CDH26: variants seen among roughly 807,000 people sequenced by gnomAD.
The protein encoded by CDH26 is cadherin-like protein 26.
In CDH26, 83 loss-of-function variants were observed where a neutral mutation model predicts 90.3. The ratio of observed to expected loss-of-function variants is 0.92; its 90% CI spans 0.77 to 1.10. CDH26 has a LOEUF of 1.10. Among genes scored for constraint, CDH26 ranks in the 50% least tolerant of loss-of-function variants. CDH26 has a pLI of 0.00. For synonymous variants in CDH26, 397 were observed against 396.3 expected (o/e 1.00, Z -0.02); for missense variants, 1,013 against 1,037.6 (o/e 0.98, Z 0.33).
At chr20:59,988,386 G>A (rs1041185979) in intron 8 of CDH26, among the ~76,000 whole-genome samples, 1 of 152,160 alleles carries the variant, frequency 6.6e-6, no homozygotes, top group African/African-American at 2.4e-5. Flanking sequence ...CCCAAGATTC[G>A]CCTGCCCATT....
chr20:59,969,039 C>A lies in CDH26; in HGVS notation c.126+16C>A. ...GCAAACAAAGGTGAGGTTTGGAAGT[C>A]AGTTTCTTAATATATAAAATCAGTC... is the stretch of plus-strand genomic sequence containing the variant. On this transcript the variant is annotated intron_variant, in intron 2 of 17. Transcript: ENST00000348616. The A allele has an allele frequency of 1.3e-6, 2 of 1,558,000 alleles. No individual in the cohort carries two copies. Among genetic ancestry groups the A allele is most frequent in the South Asian group, 2.2e-5 (2 of 88,950 alleles).
chr20:60,017,893 T>C (rs115464744), downstream of CDH26, among the ~76,000 whole-genome samples: 1 of 152,208 alleles, frequency 6.6e-6, no homozygotes, highest in African/African-American at 2.4e-5. Context: ...TGTAGCTTAA[T>C]TTCCATGTAT....
chr20:59,978,189 A>G (rs1223330592), intron 4 of CDH26, among the ~76,000 whole-genome samples: 1 of 152,156 alleles, frequency 6.6e-6, no homozygotes, highest in East Asian at 1.9e-4. Flanking sequence ...TCATGAATAA[A>G]GCTATAAACA....
At position 60,013,175 on chromosome 20, in the gene CDH26, AT is replaced by A. The variant is rs1308611560; in HGVS notation, c.*451del. On this transcript the variant is annotated 3_prime_UTR_variant, in exon 18 of 18. Coordinates refer to ENST00000348616, the MANE Select transcript of CDH26 (RefSeq NM_177980.4). The stretch of plus-strand genomic sequence containing the variant: ...AGGGAAAACTTAGGTAAATAGAGAA[AT>A]TTTTTCTATAACATTTGTAGTCAGT... 1.9e-5 allele frequency: 3 copies of A among 154,084 alleles called. No individual in the cohort carries two copies. The highest frequency in any genetic ancestry group is 7.2e-5 in the African/African-American group (3 of 41,444). 9.5% of individuals were successfully genotyped at this position (154,084 alleles called of 1,614,324 possible).
intron 17 of CDH26, among the ~76,000 whole-genome samples, chr20:60,011,229 G>T (rs1407815535): frequency 6.6e-6 from 1 of 152,204 alleles, no homozygotes; most frequent in African/African-American, 2.4e-5. Context: ...AGGTTGAGCA[G>T]CTGGGCTGTA....
rs73309287 is a variant in CDH26 at position 59,964,992 on chromosome 20, C to T, written c.70-3975C>T. Among the ~76,000 whole-genome samples the T allele has an allele frequency of 1.4e-4, 22 of 152,290 alleles. No individual in the cohort carries two copies. The East Asian group carries it at 3.5e-3, about 24-fold the overall frequency. On this transcript the variant is annotated intron_variant, in intron 1 of 17. Coordinates refer to ENST00000348616, the MANE Select transcript of CDH26 (RefSeq NM_177980.4). The stretch of plus-strand genomic sequence containing the variant: ...ATTTCTTTATCTTTTGCAAGAACTA[C>T]AATTTTCTCCATTTAAAAATTATAC...
At position 59,995,931 on chromosome 20, in the gene CDH26, A is replaced by C; in HGVS notation, c.1765A>C (p.Thr589Pro). ...GDKQGLSQKQ[T>P]VHVRICPCAS... ...CAAACAGGGACTTTCCCAGAAGCAAACTGTCCATGTAAGGATCTGCCCCTG... is the reference window on the plus strand; with the variant it reads ...CAAACAGGGACTTTCCCAGAAGCAACCTGTCCATGTAAGGATCTGCCCCTG... The change falls in exon 12 of 18, where the codon ACT becomes CCT. Residue 589 changes from threonine (T) to proline (P), a missense_variant. By Grantham distance (38) the Thr-to-Pro change is conservative. Transcript: ENST00000348616. 6.2e-7 allele frequency: 1 copy of C among 1,614,166 alleles called. No homozygotes were observed. The highest frequency in any genetic ancestry group is 1.1e-5 in the South Asian group (1 of 91,076).
At chr20:59,978,984 A>G (rs925797849) in intron 4 of CDH26, among the ~76,000 whole-genome samples, 22 of 152,096 alleles carry the variant, frequency 1.4e-4, no homozygotes, top group African/African-American at 4.8e-4. Context: ...CTCTTGATGT[A>G]TAGTTCTAAG....
At position 59,987,452 on chromosome 20, in the gene CDH26, G is replaced by A. The variant is rs753714135; in HGVS notation, c.838-1G>A. The A allele has an allele frequency of 1.1e-5, 18 of 1,606,898 alleles. No individual in the cohort carries two copies. Among genetic ancestry groups the A allele is most frequent in the Non-Finnish European group, 1.4e-5 (17 of 1,176,908 alleles). On this transcript the variant is annotated splice_acceptor_variant, in intron 7 of 17. Coordinates refer to ENST00000348616, the MANE Select transcript of CDH26 (RefSeq NM_177980.4). LOFTEE classifies it high-confidence loss of function. Reference sequence around the variant, plus strand: ...ATGGACATGATGATTGCTTCTTTCAGTATAAGGTTCAGATTCCTGAAGGCC... The same window carrying A: ...ATGGACATGATGATTGCTTCTTTCAATATAAGGTTCAGATTCCTGAAGGCC...
At chr20:59,968,033 C>G (rs1428284445) in intron 1 of CDH26, among the ~76,000 whole-genome samples, 12 of 127,700 alleles carry the variant, frequency 9.4e-5, no homozygotes, top group African/African-American at 4.5e-4. Context: ...CTGTCTCTCT[C>G]TCTCTCTCTC....
At position 59,992,507 on chromosome 20, in the gene CDH26, C is replaced by G. The variant is rs750541679; in HGVS notation, c.1413C>G (p.His471Gln). 9 of 1,613,964 alleles carry G rather than the reference C, an allele frequency of 5.6e-6. No individual in the cohort carries two copies. The highest frequency in any genetic ancestry group is 1.7e-5 in the Admixed American group (1 of 59,984). The change falls in exon 10 of 18, where the codon CAC becomes CAG. Residue 471 changes from histidine (H) to glutamine (Q), a missense_variant. Physicochemically the swap from His to Gln is conservative, Grantham distance 24. Coordinates refer to ENST00000348616, the MANE Select transcript of CDH26 (RefSeq NM_177980.4). The surrounding 1 kb of genome is among the most constrained non-coding windows in gnomAD (Gnocchi z 5.0). ...ACAGTTTTTATGTAATCATCATTCA[C>G]GCTGTTGATGATGGTGAGTGTTTAC... ...VNNSFYVIII[H>Q]AVDDGFPPQT...
intron 14 of CDH26, among the ~76,000 whole-genome samples, chr20:60,000,515 C>G (rs568819688): frequency 1.3e-5 from 2 of 152,308 alleles, no homozygotes; most frequent in African/African-American, 2.4e-5. Context: ...CTGGCGAGAG[C>G]CTTCTCTTTC....
chr20:59,999,662 AG>A lies in CDH26; in HGVS notation c.2097+1del. ...TAAAGPTQGV[K>X]DLEEVPPSAA... is the part of the protein sequence containing the mutation. ...GCAGCAGGACCCACGCAGGGAGTTA[AG>A]GTAACATGCCCCTTACTTGCTTCTG... On this transcript the variant is annotated frameshift_variant and splice_region_variant, in exon 14 of 18. Transcript: ENST00000348616. LOFTEE classifies it high-confidence loss of function. The A allele has an allele frequency of 6.2e-7, 1 of 1,614,040 alleles. No homozygotes were observed. Among genetic ancestry groups the A allele is most frequent in the Non-Finnish European group, 8.5e-7 (1 of 1,179,922 alleles).
intron 7 of CDH26, among the ~76,000 whole-genome samples, chr20:60,021,849 T>TACACACACACACACACACAC (rs757813328): frequency 3.8e-4 from 16 of 42,612 alleles, no homozygotes; most frequent in Non-Finnish European, 6.1e-4. Flanking sequence ...TCCTTATCTG[T>TACACACACACACACACACAC]ACACACACAC....
exon 9 of CDH26, chr20:60,033,532 G>A (rs6100692): frequency 1.5e-6 from 2 of 1,304,256 alleles, no homozygotes; most frequent in Non-Finnish European, 2.0e-6. Context: ...ACTTGTTTAA[G>A]GTTATGCAGC....
chr20:59,994,604 T>C, intron 11 of CDH26, 115 bp downstream of exon 11: 1 of 1,283,210 alleles, frequency 7.8e-7, no homozygotes, highest in Non-Finnish European at 1.1e-6. Context: ...GTCTGCGTTC[T>C]GGCAGAGCTG....
rs567050581 is a variant in CDH26, at chr20:59,989,549, A to G, written c.1283+386A>G. Among the ~76,000 whole-genome samples, 1,508 of 151,748 alleles carry G rather than the reference A, an allele frequency of 9.9e-3. 29 individuals carry two copies. Among genetic ancestry groups the G allele is most frequent in the African/African-American group, 0.033 (1,363 of 41,378 alleles). ...GACTCCGTCTCAAAAAAAAAAAAAA[A>G]AAAAGAAAAGAAAACCAGCTCCTTG... is the stretch of plus-strand genomic sequence containing the variant. On this transcript the variant is annotated intron_variant, in intron 9 of 17. Coordinates refer to ENST00000348616, the MANE Select transcript of CDH26 (RefSeq NM_177980.4).
intron 4 of CDH26, among the ~76,000 whole-genome samples, chr20:59,975,478 A>C (rs2061316891): frequency 6.6e-6 from 1 of 152,192 alleles, no homozygotes; most frequent in African/African-American, 2.4e-5. Context: ...CTGTGAGAGA[A>C]TAAGTTCCTA....
intron 10 of CDH26, among the ~76,000 whole-genome samples, chr20:59,993,669 G>A (rs1348166321): frequency 6.6e-6 from 1 of 152,146 alleles, no homozygotes; most frequent in African/African-American, 2.4e-5. Context: ...TTGGTCGATG[G>A]GCATTTAGGT....
Sources: allele counts gnomAD v4.1 joint callset (sites outside exome capture counted in the v4.1 genomes callset), GRCh38; gene constraint gnomAD v4.1.1; non-coding constraint Gnocchi (gnomAD v3.1); transcripts MANE v1.5; gene names NCBI Gene and HGNC (gene_info 2026-07-23, HGNC 2026-07-21).